CYBB: variants seen among roughly 807,000 people sequenced by gnomAD.
CYBB encodes NADPH oxidase 2.
CYBB carries 5 observed loss-of-function variants against 46.5 expected under a neutral mutation model. The observed-to-expected ratio is 0.11, with a 90% confidence interval of 0.06 to 0.23. The LOEUF (loss-of-function observed/expected upper bound fraction) is 0.23. Ranked by LOEUF, CYBB falls within the 10% of genes least tolerant of loss-of-function variation. The pLI is 1.00. For synonymous variants in CYBB, 183 were observed against 156.7 expected (o/e 1.17, Z -1.26); for missense variants, 307 against 428.3 (o/e 0.72, Z 2.50).
intron 3 of CYBB, among the ~76,000 whole-genome samples, chrX:37,786,380 A>G (rs782614473): frequency 4.5e-5 from 5 of 112,173 alleles, no homozygotes; most frequent in Non-Finnish European, 9.4e-5. Flanking sequence ...CTGTTGCAGT[A>G]TTATGATCCT....
chrX:37,795,809 G>A (rs1556468203), intron 5 of CYBB, 142 bp from the exon 6 acceptor site: 5 of 467,004 alleles, frequency 1.1e-5, no homozygotes, highest in South Asian at 3.2e-5. Context: ...CAAAGAGGGG[G>A]TGAAAATATC....
At position 37,804,046 on chromosome X, in the gene CYBB, G is replaced by A. The variant is rs151344471; in HGVS notation, c.1067G>A (p.Arg356His). 2 of 1,210,628 alleles carry A rather than the reference G, an allele frequency of 1.7e-6. No individual in the cohort carries two copies. Among genetic ancestry groups the A allele is most frequent in the Admixed American group, 2.2e-5 (1 of 45,914 alleles). The change falls in exon 9 of 13, where the codon CGC becomes CAC. Residue 356 changes from arginine (R) to histidine (H), a missense_variant. By Grantham distance (29) the Arg-to-His change is conservative. This residue lies in a region of CYBB where 122 missense variants were observed against 208.3 expected (regional missense o/e 0.59). Coordinates refer to ENST00000378588, the MANE Select transcript of CYBB (RefSeq NM_000397.4). ...PEEDFFSIHI[R>H]IVGDWTEGLF... The stretch of plus-strand genomic sequence containing the variant: ...GAAGACTTCTTTAGTATCCATATCC[G>A]CATCGTTGGGGACTGGACAGAGGGG...
chrX:37,801,585 A>C, intron 8 of CYBB, among the ~76,000 whole-genome samples: 1 of 66,220 alleles, frequency 1.5e-5, no homozygotes, highest in Non-Finnish European at 3.0e-5. Context: ...TCCCCCACCC[A>C]TTGTGTGTGT....
intron 3 of CYBB, among the ~76,000 whole-genome samples, chrX:37,786,682 A>G (rs1556465611): frequency 9.0e-6 from 1 of 111,376 alleles, no homozygotes. Flanking sequence ...GAAGCTCAGC[A>G]CACAAAAATC....
intron 8 of CYBB, 83 bp from the exon 9 acceptor site, chrX:37,803,794 G>A: frequency 9.5e-7 from 1 of 1,052,052 alleles, no homozygotes. Flanking sequence ...GGCCAATTTA[G>A]CTCAGTTTTT....
chrX:37,796,515 T>G (rs189185307), intron 6 of CYBB, among the ~76,000 whole-genome samples: 1 of 111,687 alleles, frequency 9.0e-6, no homozygotes, highest in East Asian at 2.8e-4. Context: ...AGTTAATGAT[T>G]AATCAGTTGA....
chrX:37,802,916 A>T (rs1929475630), intron 8 of CYBB, among the ~76,000 whole-genome samples: 1 of 112,039 alleles, frequency 8.9e-6, no homozygotes, highest in Admixed American at 9.5e-5. Flanking sequence ...ACAGTATATT[A>T]CTTTCTGTAT....
intron 1 of CYBB, among the ~76,000 whole-genome samples, chrX:37,780,529 G>A (rs1291616257): frequency 4.5e-5 from 5 of 111,341 alleles, no homozygotes; most frequent in Admixed American, 2.9e-4. Context: ...ATTGACTCAT[G>A]TATGGGAAGT....
At chrX:37,801,624 GTGTGTT>G (rs1929444113) in intron 8 of CYBB, among the ~76,000 whole-genome samples, 1 of 103,638 alleles carries the variant, frequency 9.6e-6, no homozygotes, top group East Asian at 2.9e-4. Flanking sequence ...GTGTGTGTGT[GTGTGTT>G]TGTGTCTGTG....
intron 7 of CYBB, among the ~76,000 whole-genome samples, chrX:37,801,018 C>G (rs1331486063): frequency 8.9e-6 from 1 of 112,168 alleles, no homozygotes; most frequent in East Asian, 2.8e-4. Flanking sequence ...AAAGTTTTAT[C>G]TTGTCAGTAC....
intron 9 of CYBB, among the ~76,000 whole-genome samples, chrX:37,804,627 T>C (rs1339180221): frequency 5.4e-5 from 6 of 110,613 alleles, no homozygotes; most frequent in Non-Finnish European, 5.7e-5. Flanking sequence ...ATCTACAAGA[T>C]GTAATGATGC....
At chrX:37,794,212 G>A (rs1569479313) in intron 5 of CYBB, among the ~76,000 whole-genome samples, 1 of 112,164 alleles carries the variant, frequency 8.9e-6, no homozygotes, top group African/African-American at 3.2e-5. Context: ...GGGATGTAAA[G>A]TGGATTTAGA....
intron 3 of CYBB, among the ~76,000 whole-genome samples, chrX:37,787,033 G>A (rs1335802789): frequency 2.7e-5 from 3 of 111,736 alleles, no homozygotes; most frequent in African/African-American, 9.8e-5. Context: ...TTTGTTGAGT[G>A]CCATTTATGT....
rs35037870 is a variant in CYBB at position 37,799,472 on chromosome X, C to T, written c.804+388C>T. ...ACTTATAAGGAGCAAAGGGCCTCTTCAGATACCAGCACATAATACTTTCTA... is the reference window on the plus strand; with the variant it reads ...ACTTATAAGGAGCAAAGGGCCTCTTTAGATACCAGCACATAATACTTTCTA... On this transcript the variant is annotated intron_variant, in intron 7 of 12. Transcript: ENST00000378588. Among the ~76,000 whole-genome samples, 225 of 111,580 alleles carry T rather than the reference C, an allele frequency of 2.0e-3. 2 individuals are homozygous for T. The highest frequency in any genetic ancestry group is 6.9e-3 in the African/African-American group (213 of 30,751).
intron 3 of CYBB, among the ~76,000 whole-genome samples, chrX:37,791,566 A>G (rs1556466961): frequency 8.9e-6 from 1 of 112,035 alleles, no homozygotes; most frequent in East Asian, 2.8e-4. Context: ...AGAACTGTTC[A>G]CTTGTCTGTG....
intron 3 of CYBB, among the ~76,000 whole-genome samples, chrX:37,784,330 A>G (rs1929014465): frequency 8.9e-6 from 1 of 112,236 alleles, no homozygotes; most frequent in Non-Finnish European, 1.9e-5. Flanking sequence ...AAAGCTTTAC[A>G]AATAAAATAC....
chrX:37,785,296 C>T (rs781840554), intron 3 of CYBB, among the ~76,000 whole-genome samples: 3 of 112,191 alleles, frequency 2.7e-5, no homozygotes, highest in African/African-American at 9.7e-5. Flanking sequence ...GATGAGGTTC[C>T]TTTCCTTAAG....
chrX:37,800,448 G>C (rs1399846989), intron 7 of CYBB, among the ~76,000 whole-genome samples: 3 of 111,596 alleles, frequency 2.7e-5, no homozygotes, highest in Non-Finnish European at 5.7e-5. Flanking sequence ...AAGTAATCTA[G>C]TAGAAAGATT....
chrX:37,795,890 ATGTGTGTGTGTGTGTGTGTGTG>A (rs57325016), intron 5 of CYBB, 39 bp from the exon 6 acceptor site: 19 of 597,410 alleles, frequency 3.2e-5, no homozygotes, highest in African/African-American at 1.2e-4. Flanking sequence ...GCTTGCGCAC[ATGTGTGTGTGTGTGTGTGTGTG>A]TGTGTGTGTG....
Sources: gnomAD v4.1 joint callset for allele counts (sites outside exome capture counted in the v4.1 genomes callset) on GRCh38, gnomAD v4.1.1 for gene constraint, gnomAD v4.1.1 regional missense constraint, MANE v1.5 for transcripts, NCBI Gene and HGNC (gene_info 2026-07-23, HGNC 2026-07-21) for gene names.